DHCR7: variants seen among roughly 807,000 people sequenced by gnomAD.
The protein encoded by DHCR7 is 7-DHC reductase.
Under a neutral mutation model 43.3 loss-of-function variants are expected in DHCR7, and 40 were observed. That is an observed-to-expected ratio of 0.92 (90% CI 0.72 to 1.20). DHCR7 has a LOEUF of 1.20. Among genes scored for constraint, DHCR7 ranks in the 50% most tolerant of loss-of-function variants. DHCR7 has a pLI of 0.00. For missense variants in DHCR7, 608 were observed against 644.6 expected (o/e 0.94, Z 0.62); for synonymous variants, 298 against 271.4 (o/e 1.10, Z -0.96).
intron 8 of DHCR7, among the ~76,000 whole-genome samples, chr11:71,436,852 T>TAAAAAATGTAC (rs1555145760): frequency 6.6e-6 from 1 of 152,182 alleles, no homozygotes; most frequent in Non-Finnish European, 1.5e-5. Context: ...ATATATAGTA[T>TAAAAAATGTAC]AAAAAATGTA....
At chr11:71,440,107 G>A (rs375826604) in intron 6 of DHCR7, among the ~76,000 whole-genome samples, 92 of 152,218 alleles carry the variant, frequency 6.0e-4, no homozygotes, top group African/African-American at 2.1e-3. Flanking sequence ...TATATGATAG[G>A]CAGGGTTGAG....
At chr11:71,446,888 T>C (rs934841741) in intron 2 of DHCR7, among the ~76,000 whole-genome samples, 3 of 152,166 alleles carry the variant, frequency 2.0e-5, no homozygotes, top group Admixed American at 2.0e-4. Context: ...AAAATCAAAG[T>C]GGATGAAAGA....
chr11:71,442,266 C>A lies in DHCR7; in HGVS notation c.409G>T (p.Ala137Ser), dbSNP rs563056315. The A allele has an allele frequency of 3.1e-6, 5 of 1,612,074 alleles. No individual in the cohort carries two copies. In the South Asian group the frequency reaches 4.4e-5, roughly 14 times the overall value. The change falls in exon 5 of 9, where the codon GCA (alanine) becomes TCA (serine). Residue 137 changes from alanine (A) to serine (S), a missense_variant. Physicochemically the swap from Ala to Ser is moderately conservative, Grantham distance 99. Coordinates refer to ENST00000355527, the MANE Select transcript of DHCR7 (RefSeq NM_001360.3). ...AGGGTGGAAGGGAGGAGGCTACCTG[C>A]AGGAGTCACGGCCCCCTCCTGGATG... ...GGIQEGAVTP[A>S]GVVNKYQING... is the part of the protein sequence containing the mutation.
At chr11:71,438,022 C>A in intron 7 of DHCR7, 79 bp from the exon 8 acceptor site, 3 of 1,560,650 alleles carry the variant, frequency 1.9e-6, no homozygotes, top group South Asian at 2.2e-5. Flanking sequence ...ACACTCCACG[C>A]AGATGCAGCA....
chr11:71,437,128 C>T (rs1340115725), intron 8 of DHCR7, among the ~76,000 whole-genome samples: 1 of 152,142 alleles, frequency 6.6e-6, no homozygotes, highest in African/African-American at 2.4e-5. Context: ...CCAGGACACC[C>T]GCACCTCCAT....
At chr11:71,428,004 C>T (rs1034215710), downstream of DHCR7, among the ~76,000 whole-genome samples, 4 of 152,192 alleles carry the variant, frequency 2.6e-5, no homozygotes, top group African/African-American at 9.7e-5. Context: ...GTGGTGAGAA[C>T]CCTACCCAAA....
At chr11:71,436,013 A>G (rs148158317) in intron 8 of DHCR7, 174 bp from the exon 9 acceptor site, 1 of 639,600 alleles carries the variant, frequency 1.6e-6, no homozygotes, top group Non-Finnish European at 2.8e-6. Flanking sequence ...TGTTGTGGTC[A>G]TTAAATGAGT....
Position 71,444,095 on chromosome 11 carries a change from C to T in DHCR7, c.219G>A (p.Val73=). Residue 73 remains valine (V), a synonymous_variant, in exon 4 of 9, where the codon GTG becomes GTA. Transcript: ENST00000355527. ...GCCGAGCATGTCCGGTGACGATGTC[C>T]ACCACAGGGCCAGTCAGGGCGCAGC... ...QYSCALTGPV[V]DIVTGHARLS... 1 of 1,613,470 alleles carries T rather than the reference C, an allele frequency of 6.2e-7. No homozygotes were observed. The highest frequency in any genetic ancestry group is 1.1e-5 in the South Asian group (1 of 90,888).
At chr11:71,438,040 C>T in intron 7 of DHCR7, 97 bp from the exon 8 acceptor site, 2 of 1,447,408 alleles carry the variant, frequency 1.4e-6, no homozygotes, top group East Asian at 4.6e-5. Flanking sequence ...GCAGGGGGTG[C>T]TCGGGAGCTG....
chr11:71,427,499 T>C (rs1591104118), downstream of DHCR7, among the ~76,000 whole-genome samples: 1 of 152,248 alleles, frequency 6.6e-6, no homozygotes, highest in East Asian at 1.9e-4. Context: ...ATTGACCGTG[T>C]ATCCTGCAAC....
Position 71,442,288 on chromosome 11 carries a change from G to A in DHCR7, c.387C>T (p.Ile129=). The part of the protein sequence containing the change: ...HKFLPGYVGG[I]QEGAVTPAGV... ...CTGCAGGAGTCACGGCCCCCTCCTG[G>A]ATGCCTCCTACGTAGCCGGGTAGAA... is the stretch of plus-strand genomic sequence containing the variant. The change falls in exon 5 of 9, where the codon ATC becomes ATT. Residue 129 remains isoleucine (I), a synonymous_variant. Transcript: ENST00000355527. 3.7e-6 allele frequency: 6 copies of A among 1,613,680 alleles called. No individual in the cohort carries two copies. The highest frequency in any genetic ancestry group is 5.1e-6 in the Non-Finnish European group (6 of 1,179,820).
rs938055038 is a variant in DHCR7, at chr11:71,434,820, GC to G, written c.*554del. On this transcript the variant is annotated 3_prime_UTR_variant, in exon 9 of 9. Transcript: ENST00000355527. The stretch of plus-strand genomic sequence containing the variant: ...GGAGCAGGAAGGAAACGACATGAAA[GC>G]CCCTTTCTCCCCAGTGTCCCAGTTC... The G allele has an allele frequency of 3.5e-5, 11 of 316,256 alleles. No individual in the cohort carries two copies. The highest frequency in any genetic ancestry group is 2.2e-4 in the African/African-American group (10 of 45,762). 19.6% of individuals were successfully genotyped at this position (316,256 alleles called of 1,614,324 possible).
rs1191724954 is a variant in DHCR7 at position 71,435,137 on chromosome 11, T to A, written c.*238A>T. 35 of 681,866 alleles carry A rather than the reference T, an allele frequency of 5.1e-5. No individual in the cohort carries two copies. The Admixed American group carries it at 6.1e-4, about 12-fold the overall frequency. The allele number at this position is 681,866 out of a possible 1,614,324, so 42.2% of individuals were successfully genotyped here. On this transcript the variant is annotated 3_prime_UTR_variant, in exon 9 of 9. Coordinates refer to ENST00000355527, the MANE Select transcript of DHCR7 (RefSeq NM_001360.3). The stretch of plus-strand genomic sequence containing the variant: ...ATCCTCCTGCCCCAGGGACACTGAT[T>A]AGAGAAAATCCGTCTGTGCTGGCAA...
intron 5 of DHCR7, 34 bp downstream of exon 5, chr11:71,442,228 CG>C: frequency 1.3e-6 from 2 of 1,507,980 alleles, no homozygotes. Context: ...GGGATGAGAA[CG>C]GGAGCCTGGG....
At chr11:71,439,206 G>A in intron 6 of DHCR7, 123 bp from the exon 7 acceptor site, 3 of 911,724 alleles carry the variant, frequency 3.3e-6, no homozygotes, top group Non-Finnish European at 5.1e-6. Context: ...GACGGCGCAG[G>A]CAGAAGCTGG....
chr11:71,441,772 C>G (rs1437310914), intron 5 of DHCR7, among the ~76,000 whole-genome samples: 1 of 152,174 alleles, frequency 6.6e-6, no homozygotes, highest in Non-Finnish European at 1.5e-5. Context: ...GTATGCCTGG[C>G]CCCCTCTGTA....
At position 71,444,025 on chromosome 11, in the gene DHCR7, C is replaced by G. The variant is rs150563256; in HGVS notation, c.289G>C (p.Ala97Pro). The change falls in exon 4 of 9, where the codon GCC (alanine) becomes CCC (proline). Residue 97 changes from alanine (A) to proline (P), a missense_variant. Ala to Pro is a conservative substitution (Grantham distance 27, BLOSUM62 -1). Coordinates refer to ENST00000355527, the MANE Select transcript of DHCR7 (RefSeq NM_001360.3). ...GTGACCCACAAGGTATAGAGCTGGG[C>G]GGCTTTCCTCGTTATAGGTGGAGTC... ...AKTPPITRKAAQLYTLWVTFQ... is the reference protein window; with the variant it reads ...AKTPPITRKAPQLYTLWVTFQ... 6.2e-7 allele frequency: 1 copy of G among 1,612,634 alleles called. No homozygotes were observed. The highest frequency in any genetic ancestry group is 8.5e-7 in the Non-Finnish European group (1 of 1,179,400).
At chr11:71,446,310 T>TA (rs1949402781) in intron 2 of DHCR7, among the ~76,000 whole-genome samples, 1 of 54,448 alleles carries the variant, frequency 1.8e-5, no homozygotes, top group Non-Finnish European at 4.5e-5. Flanking sequence ...CCAGGAAAAA[T>TA]AAAAAGTCAT....
chr11:71,444,297 G>T, intron 3 of DHCR7, 82 bp from the exon 4 acceptor site: 1 of 1,215,678 alleles, frequency 8.2e-7, no homozygotes, highest in Non-Finnish European at 1.2e-6. Context: ...CTGTGTGGGA[G>T]AACTGTTGCT....
Sources: allele counts gnomAD v4.1 joint callset (sites outside exome capture counted in the v4.1 genomes callset), GRCh38; gene constraint gnomAD v4.1.1; transcripts MANE v1.5; gene names NCBI Gene and HGNC (gene_info 2026-07-23, HGNC 2026-07-21).